C16orf74: variants seen among roughly 807,000 people sequenced by gnomAD.
The protein encoded by C16orf74 is uncharacterized protein C16orf74.
A neutral mutation model predicts 6.5 loss-of-function variants in C16orf74; 10 were observed. The observed-to-expected ratio is 1.54, with a 90% CI of 0.95 to 2.61. The LOEUF (loss-of-function observed/expected upper bound fraction) is 2.61, where lower values mean the gene tolerates loss of function less well. Among genes scored for constraint, C16orf74 ranks in the 30% most tolerant of loss-of-function variants. The pLI is 0.00. For missense variants in C16orf74, 141 were observed against 105.9 expected (o/e 1.33, Z -1.45); for synonymous variants, 60 against 42.5 (o/e 1.41, Z -1.60).
chr16:85,739,122 G>A (rs1358015798), intron 1 of C16orf74, among the ~76,000 whole-genome samples: 6 of 151,204 alleles, frequency 4.0e-5, no homozygotes, highest in Non-Finnish European at 5.9e-5. Context: ...CTCTCCTGCC[G>A]CCAGCCTTGC....
At chr16:85,739,503 G>A (rs1178072149) in intron 1 of C16orf74, among the ~76,000 whole-genome samples, 1 of 152,240 alleles carries the variant, frequency 6.6e-6, no homozygotes, top group East Asian at 1.9e-4. Flanking sequence ...GTGGGGCACA[G>A]GGAGGCGTCA....
chr16:85,747,855 A>C (rs1372082599), intron 1 of C16orf74, among the ~76,000 whole-genome samples: 1 of 152,104 alleles, frequency 6.6e-6, no homozygotes, highest in Non-Finnish European at 1.5e-5. Context: ...TGGGAGGCTC[A>C]GGCAGGTGGA....
At chr16:85,741,037 CTTT>C (rs1315312291) in intron 1 of C16orf74, among the ~76,000 whole-genome samples, 1 of 152,110 alleles carries the variant, frequency 6.6e-6, no homozygotes, top group African/African-American at 2.4e-5. Flanking sequence ...CACAACTCTT[CTTT>C]AACTTTGAAA....
chr16:85,742,953 T>C (rs1567813391), intron 1 of C16orf74, among the ~76,000 whole-genome samples: 1 of 152,204 alleles, frequency 6.6e-6, no homozygotes, highest in South Asian at 2.1e-4. Context: ...ACTGTCATCA[T>C]TGTTGCTGCC....
chr16:85,729,724 G>C (rs900182575), intron 2 of C16orf74, among the ~76,000 whole-genome samples: 1 of 152,136 alleles, frequency 6.6e-6, no homozygotes, highest in Admixed American at 6.5e-5. Flanking sequence ...GAGGAGGAGA[G>C]GGAGGTTGAA....
At chr16:85,748,093 T>A (rs185960335) in intron 1 of C16orf74, among the ~76,000 whole-genome samples, 9,409 of 70,804 alleles carry the variant, frequency 0.13, 604 homozygotes, top group Admixed American at 0.32. Context: ...CTCAAAAAAA[T>A]ATATATATAT....
chr16:85,744,439 G>A (rs1227318605), intron 1 of C16orf74, among the ~76,000 whole-genome samples: 1 of 151,770 alleles, frequency 6.6e-6, no homozygotes, highest in Non-Finnish European at 1.5e-5. Context: ...ATATTGAATT[G>A]GGCTCTGTTT....
At chr16:85,748,554 C>T (rs544568319) in intron 1 of C16orf74, among the ~76,000 whole-genome samples, 2 of 152,072 alleles carry the variant, frequency 1.3e-5, no homozygotes, top group South Asian at 4.1e-4. Context: ...GCCGAGATCA[C>T]GCCACTGCAC....
At chr16:85,749,607 G>A (rs1349249088) in intron 1 of C16orf74, among the ~76,000 whole-genome samples, 1 of 152,232 alleles carries the variant, frequency 6.6e-6, no homozygotes, top group Non-Finnish European at 1.5e-5. Flanking sequence ...TTAAAATGGG[G>A]CTGACAGTAT....
chr16:85,740,212 A>AAAC (rs2054288939), intron 1 of C16orf74, among the ~76,000 whole-genome samples: 1 of 66,676 alleles, frequency 1.5e-5, no homozygotes, highest in African/African-American at 6.0e-5. Context: ...ACTTTGTCTC[A>AAAC]AAAAAAAAAA....
At chr16:85,746,850 T>C (rs4338826) in intron 1 of C16orf74, among the ~76,000 whole-genome samples, 8,567 of 152,304 alleles carry the variant, frequency 0.056, 441 homozygotes, top group Admixed American at 0.17. Context: ...AAAGCCACTT[T>C]CTTTCTGCAG....
chr16:85,729,990 G>T (rs2054171506), intron 2 of C16orf74, among the ~76,000 whole-genome samples: 1 of 152,218 alleles, frequency 6.6e-6, no homozygotes, highest in African/African-American at 2.4e-5. Flanking sequence ...CAGCCCAGCA[G>T]TGGGCAGATC....
chr16:85,741,526 G>C (rs1195678502), intron 1 of C16orf74: 1 of 168,362 alleles, frequency 5.9e-6, no homozygotes, highest in East Asian at 1.9e-4. Flanking sequence ...GGGTGGTCAC[G>C]TCCACATATG....
rs944598770 is a variant in C16orf74, at chr16:85,714,104, C to A, written c.29-3797G>T. Among the ~76,000 whole-genome samples, 5 of 152,178 alleles carry A rather than the reference C, an allele frequency of 3.3e-5. 1 individual carries two copies. The highest frequency in any genetic ancestry group is 7.4e-5 in the Non-Finnish European group (5 of 68,026). On this transcript the variant is annotated intron_variant, in intron 2 of 3. Transcript: ENST00000284245. The stretch of plus-strand genomic sequence containing the variant: ...CCCCGCCCCACTTCTGTTAGTCTAA[C>A]TCTTTGCAGCCTTCTTGTTTTCACA...
At chr16:85,716,240 G>A (rs895521567) in intron 2 of C16orf74, among the ~76,000 whole-genome samples, 1 of 151,786 alleles carries the variant, frequency 6.6e-6, no homozygotes, top group African/African-American at 2.4e-5. Context: ...TCTCGGAGGA[G>A]AGGGGGTTGG....
At chr16:85,740,785 T>C (rs999094098) in intron 1 of C16orf74, among the ~76,000 whole-genome samples, 3 of 131,642 alleles carry the variant, frequency 2.3e-5, no homozygotes, top group Admixed American at 1.9e-4. Flanking sequence ...TGAGCTGAGA[T>C]TGTGCCACTA....
At chr16:85,725,056 G>T (rs1334739523) in intron 2 of C16orf74, among the ~76,000 whole-genome samples, 4 of 136,158 alleles carry the variant, frequency 2.9e-5, no homozygotes, top group Non-Finnish European at 5.0e-5. Flanking sequence ...CTTAAGCATG[G>T]GTGACTGATG....
chr16:85,714,960 T>C lies in C16orf74; in HGVS notation c.29-4653A>G, dbSNP rs568483356. Among the ~76,000 whole-genome samples, 10 of 150,978 alleles carry C rather than the reference T, an allele frequency of 6.6e-5. No individual in the cohort carries two copies. The South Asian group carries it at 2.1e-3, about 32-fold the overall frequency. Reference sequence around the variant, plus strand: ...TCATGAGGTCAGGAGATCGAGACCATCCTGGCTAACACAATGAAACCCCGT... The same window carrying C: ...TCATGAGGTCAGGAGATCGAGACCACCCTGGCTAACACAATGAAACCCCGT... On this transcript the variant is annotated intron_variant, in intron 2 of 3. Transcript: ENST00000284245.
At chr16:85,748,643 G>C (rs952528463) in intron 1 of C16orf74, among the ~76,000 whole-genome samples, 1 of 152,106 alleles carries the variant, frequency 6.6e-6, no homozygotes, top group Non-Finnish European at 1.5e-5. Context: ...CTAAAGACCT[G>C]GAATCCATAG....
Sources: gnomAD v4.1 joint callset for allele counts (sites outside exome capture counted in the v4.1 genomes callset) on GRCh38, gnomAD v4.1.1 for gene constraint, MANE v1.5 for transcripts, NCBI Gene and HGNC (gene_info 2026-07-23, HGNC 2026-07-21) for gene names.